The following JAM2 variants were observed in gnomAD, a reference collection of about 807,000 sequenced individuals.
JAM2 encodes the protein junctional adhesion molecule 2, also known as junctional adhesion molecule B.
Under a neutral mutation model 42.0 loss-of-function variants are expected in JAM2, and 17 were observed. The ratio of observed to expected loss-of-function variants is 0.40; its 90% CI spans 0.28 to 0.61. JAM2 has a LOEUF of 0.61. Among genes scored for constraint, JAM2 ranks in the 20% least tolerant of loss-of-function variants. The probability of loss-of-function intolerance (pLI) is 0.37; values close to 1 mark genes in which losing one functional copy is unlikely to be tolerated. For synonymous variants in JAM2, 118 were observed against 128.6 expected (o/e 0.92, Z 0.56); for missense variants, 319 against 358.3 (o/e 0.89, Z 0.89).
intron 1 of JAM2, among the ~76,000 whole-genome samples, chr21:25,670,145 A>G (rs190765371): frequency 6.6e-6 from 1 of 152,328 alleles, no homozygotes; most frequent in East Asian, 1.9e-4. Flanking sequence ...CTGGACACAA[A>G]TACCTTTGTT....
At position 25,689,895 on chromosome 21, in the gene JAM2, A is replaced by C. The variant is rs777353911; in HGVS notation, c.163A>C (p.Lys55Gln). ...EAILACKTPK[K>Q]TVSSRLEWKK... is the part of the protein sequence containing the mutation. ...TATTTTAGCCTGCAAAACCCCAAAG[A>C]AGACTGTTTCCTCCAGATTAGAGTG... Residue 55 changes from lysine (K) to glutamine (Q), a missense_variant, in exon 3 of 10, where the codon AAG becomes CAG. Physicochemically the swap from Lys to Gln is moderately conservative, Grantham distance 53 (BLOSUM62 1). Transcript: ENST00000480456. 6.2e-7 allele frequency: 1 copy of C among 1,613,638 alleles called. No individual in the cohort carries two copies. The highest frequency in any genetic ancestry group is 8.5e-7 in the Non-Finnish European group (1 of 1,179,620).
At chr21:25,690,755 G>T (rs2033862496) in intron 3 of JAM2, among the ~76,000 whole-genome samples, 1 of 152,128 alleles carries the variant, frequency 6.6e-6, no homozygotes, top group Non-Finnish European at 1.5e-5. Flanking sequence ...CCATTTGAAA[G>T]GTAGGCCACC....
At chr21:25,691,298 A>T (rs1338299801) in intron 3 of JAM2, among the ~76,000 whole-genome samples, 2 of 152,246 alleles carry the variant, frequency 1.3e-5, no homozygotes, top group Non-Finnish European at 2.9e-5. Flanking sequence ...TCTTCACTTG[A>T]ATTTTTTGTA....
At chr21:25,678,943 G>A (rs1031376942) in intron 1 of JAM2, among the ~76,000 whole-genome samples, 2 of 152,188 alleles carry the variant, frequency 1.3e-5, no homozygotes, top group African/African-American at 4.8e-5. Context: ...GGGACTACAG[G>A]CAGGTGCTAC....
intron 1 of JAM2, among the ~76,000 whole-genome samples, chr21:25,669,160 C>T (rs988395040): frequency 3.3e-5 from 5 of 151,920 alleles, no homozygotes; most frequent in African/African-American, 1.2e-4. Context: ...ATCACTTGAG[C>T]CCACAAGTTT....
chr21:25,661,417 C>T (rs905936066), intron 1 of JAM2, among the ~76,000 whole-genome samples: 2 of 152,214 alleles, frequency 1.3e-5, no homozygotes, highest in Admixed American at 1.3e-4. Flanking sequence ...GAGCTATAAT[C>T]ATGCCACCGC....
chr21:25,682,549 C>CT (rs1457123991), intron 1 of JAM2, among the ~76,000 whole-genome samples: 1 of 152,214 alleles, frequency 6.6e-6, no homozygotes, highest in African/African-American at 2.4e-5. Context: ...AGACAGACAG[C>CT]TGCAGGAGCC....
rs77134083 is a variant in JAM2 at position 25,696,607 on chromosome 21, G to A, written c.395-2070G>A. ...AGCGGAAGTCCAACAAGAAGACTGGGTATCTGCCCAAAGTATCACAAGGCT... is the reference window on the plus strand; with the variant it reads ...AGCGGAAGTCCAACAAGAAGACTGGATATCTGCCCAAAGTATCACAAGGCT... On this transcript the variant is annotated intron_variant, in intron 4 of 9. Transcript: ENST00000480456. Among the ~76,000 whole-genome samples the A allele has an allele frequency of 5.4e-3, 824 of 152,250 alleles. 2 individuals are homozygous for A. Among genetic ancestry groups the A allele is most frequent in the African/African-American group, 0.018 (730 of 41,520 alleles).
At chr21:25,658,591 C>T (rs1364720387) in intron 1 of JAM2, among the ~76,000 whole-genome samples, 1 of 152,086 alleles carries the variant, frequency 6.6e-6, no homozygotes, top group East Asian at 1.9e-4. Context: ...ACCAACAGAA[C>T]CAGTGTCATG....
intron 1 of JAM2, among the ~76,000 whole-genome samples, chr21:25,657,159 T>C (rs1295020232): frequency 2.0e-5 from 3 of 152,146 alleles, no homozygotes; most frequent in Non-Finnish European, 4.4e-5. Context: ...CGTGCAGTGG[T>C]GCAATAATAG....
chr21:25,659,792 A>G (rs2033030550), intron 1 of JAM2, among the ~76,000 whole-genome samples: 1 of 152,228 alleles, frequency 6.6e-6, no homozygotes, highest in Non-Finnish European at 1.5e-5. Flanking sequence ...TTCTTGACAG[A>G]TAAGAAGACT....
At chr21:25,711,347 T>G in intron 8 of JAM2, 1 of 447,934 alleles carries the variant, frequency 2.2e-6, no homozygotes, top group Non-Finnish European at 4.5e-6. Context: ...GTTTTATGAC[T>G]GTCCTTCTTG....
chr21:25,640,671 G>A (rs1325507189), intron 1 of JAM2, among the ~76,000 whole-genome samples: 1 of 152,154 alleles, frequency 6.6e-6, no homozygotes, highest in African/African-American at 2.4e-5. Flanking sequence ...TGTTTTCTTC[G>A]CGTTAACTTT....
intron 4 of JAM2, among the ~76,000 whole-genome samples, chr21:25,696,808 C>G (rs1385295654): frequency 1.3e-5 from 2 of 152,178 alleles, no homozygotes; most frequent in Non-Finnish European, 2.9e-5. Flanking sequence ...GAGGCCACCA[C>G]ATTCCCTGTT....
In JAM2 at chr21:25,714,881, G is replaced by C; in HGVS notation, c.*209G>C. On this transcript the variant is annotated 3_prime_UTR_variant, in exon 10 of 10. Transcript: ENST00000480456. ...CACCTAAAATATAATCTGGCTTCTT[G>C]TGTCTGGACTAAGTTAAAAGAATTA... 2.3e-6 allele frequency: 1 copy of C among 430,080 alleles called. No homozygotes were observed. The highest frequency in any genetic ancestry group is 4.2e-6 in the Non-Finnish European group (1 of 240,290). 26.6% of individuals were successfully genotyped at this position (430,080 alleles called of 1,614,324 possible).
chr21:25,644,776 A>G (rs1424745245), intron 1 of JAM2, among the ~76,000 whole-genome samples: 1 of 152,248 alleles, frequency 6.6e-6, no homozygotes, highest in Non-Finnish European at 1.5e-5. Flanking sequence ...TCAGTGCTGT[A>G]GCCAAGAATA....
intron 3 of JAM2, among the ~76,000 whole-genome samples, chr21:25,690,252 C>T (rs1028281993): frequency 1.8e-4 from 27 of 151,782 alleles, no homozygotes; most frequent in Non-Finnish European, 2.9e-4. Flanking sequence ...GATTAAACTC[C>T]GTTCCTTCCT....
At chr21:25,702,985 T>G (rs558165043) in intron 6 of JAM2, among the ~76,000 whole-genome samples, 3 of 152,302 alleles carry the variant, frequency 2.0e-5, no homozygotes, top group African/African-American at 7.2e-5. Flanking sequence ...CCCAAGTAGC[T>G]GGGATTACAG....
chr21:25,675,610 G>GGAAAGAAGGAA (rs2033469238), intron 1 of JAM2, among the ~76,000 whole-genome samples: 1 of 149,370 alleles, frequency 6.7e-6, no homozygotes, highest in Non-Finnish European at 1.5e-5. Flanking sequence ...GAAGGAAGGA[G>GGAAAGAAGGAA]GGAGGGAGGG....
Sources: gnomAD v4.1 joint callset for allele counts (sites outside exome capture counted in the v4.1 genomes callset) on GRCh38, gnomAD v4.1.1 for gene constraint, MANE v1.5 for transcripts, NCBI Gene and HGNC (gene_info 2026-07-23, HGNC 2026-07-21) for gene names.